The following MBOAT2 variants were observed in gnomAD, a reference collection of about 807,000 sequenced individuals.
MBOAT2 encodes membrane bound glycerophospholipid O-acyltransferase 2, also known as membrane-bound glycerophospholipid O-acyltransferase 2.
Under a neutral mutation model 63.4 loss-of-function variants are expected in MBOAT2, and 28 were observed. The observed-to-expected ratio is 0.44, with a 90% CI of 0.33 to 0.61. The LOEUF (loss-of-function observed/expected upper bound fraction) is 0.61. Ranked by LOEUF, MBOAT2 falls within the 20% of genes least tolerant of loss-of-function variation. MBOAT2 has a pLI of 0.03. For missense variants in MBOAT2, 470 were observed against 605.8 expected (o/e 0.78, Z 2.35); for synonymous variants, 211 against 215.6 (o/e 0.98, Z 0.19).
At chr2:8,913,799 G>C (rs551720796) in intron 3 of MBOAT2, among the ~76,000 whole-genome samples, 79 of 152,254 alleles carry the variant, frequency 5.2e-4, no homozygotes, top group East Asian at 5.8e-4. Context: ...ACTACCATTT[G>C]ATCCAGCAAT....
At chr2:8,936,773 G>GGA (rs1295842492) in intron 3 of MBOAT2, among the ~76,000 whole-genome samples, 1 of 135,282 alleles carries the variant, frequency 7.4e-6, no homozygotes, top group African/African-American at 2.8e-5. Context: ...AGCTACAGAG[G>GGA]GAGACTCCGT....
At chr2:8,898,875 A>G (rs899595209) in intron 4 of MBOAT2, among the ~76,000 whole-genome samples, 1 of 152,248 alleles carries the variant, frequency 6.6e-6, no homozygotes, top group Non-Finnish European at 1.5e-5. Context: ...GGTTGGGTAC[A>G]ACTGGATATA....
chr2:8,890,009 C>T (rs952014175), intron 4 of MBOAT2, among the ~76,000 whole-genome samples: 1 of 151,868 alleles, frequency 6.6e-6, no homozygotes, highest in Non-Finnish European at 1.5e-5. Flanking sequence ...GTGACATGTA[C>T]CTGAGAGGAT....
rs184669305 is a variant in MBOAT2 at position 8,901,898 on chromosome 2, A to G, written c.395+6723T>C. On this transcript the variant is annotated intron_variant, in intron 4 of 12. Coordinates refer to ENST00000305997, the MANE Select transcript of MBOAT2 (RefSeq NM_138799.4). Reference sequence around the variant, plus strand: ...AGCCTTGGAGAAGAGAGGCGAGAGGAAGTTTGTCTGACAGGCATTAGGACC... The same window carrying G: ...AGCCTTGGAGAAGAGAGGCGAGAGGGAGTTTGTCTGACAGGCATTAGGACC... 7.2e-5 allele frequency among the ~76,000 whole-genome samples: 11 copies of G among 152,302 alleles called. No individual in the cohort carries two copies. In the East Asian group the frequency reaches 1.9e-3, roughly 27 times the overall value.
At chr2:8,942,235 A>G (rs1337996995) in intron 3 of MBOAT2, among the ~76,000 whole-genome samples, 3 of 152,252 alleles carry the variant, frequency 2.0e-5, no homozygotes, top group East Asian at 1.9e-4. Context: ...AATGCAAAAT[A>G]GAATGAGACT....
chr2:8,964,310 G>A (rs1205307021), intron 1 of MBOAT2, among the ~76,000 whole-genome samples: 1 of 152,114 alleles, frequency 6.6e-6, no homozygotes, highest in Non-Finnish European at 1.5e-5. Context: ...CTGAGCGTAA[G>A]CTTCTGCAAT....
intron 1 of MBOAT2, among the ~76,000 whole-genome samples, chr2:8,966,629 A>T (rs1233833499): frequency 6.6e-6 from 1 of 152,224 alleles, no homozygotes; most frequent in South Asian, 2.1e-4. Flanking sequence ...AAGGCAAAGG[A>T]AAGAACCATT....
intron 1 of MBOAT2, among the ~76,000 whole-genome samples, chr2:8,974,775 C>A (rs1312240871): frequency 6.6e-6 from 1 of 152,060 alleles, no homozygotes; most frequent in Non-Finnish European, 1.5e-5. Flanking sequence ...AGCTAAGCAC[C>A]AAAATTTAAG....
chr2:8,955,029 C>A (rs1020529323), intron 2 of MBOAT2, among the ~76,000 whole-genome samples: 1 of 152,216 alleles, frequency 6.6e-6, no homozygotes, highest in African/African-American at 2.4e-5. Context: ...CTGCCCCAGG[C>A]TTGCAATGGA....
chr2:8,925,162 C>T (rs1044764349), intron 3 of MBOAT2, among the ~76,000 whole-genome samples: 1 of 152,116 alleles, frequency 6.6e-6, no homozygotes, highest in Non-Finnish European at 1.5e-5. Context: ...TCACCCCTCT[C>T]ACACCCCAAT....
chr2:8,858,001 C>G lies in MBOAT2; in HGVS notation c.*678G>C, dbSNP rs916217238. On this transcript the variant is annotated 3_prime_UTR_variant, in exon 13 of 13. Transcript: ENST00000305997. ...TTAAGAGATTCCTTCTGGAAGCGCT[C>G]TTTGACTGCACAAGGTAATTAAACT... 6.5e-6 allele frequency: 1 copy of G among 152,672 alleles called. No homozygotes were observed. Among genetic ancestry groups the G allele is most frequent in the African/African-American group, 2.4e-5 (1 of 41,460 alleles). The allele number at this position is 152,672 out of a possible 1,614,324, so 9.5% of individuals were successfully genotyped here.
chr2:8,955,123 C>A (rs555357025), intron 2 of MBOAT2, among the ~76,000 whole-genome samples: 1 of 152,192 alleles, frequency 6.6e-6, no homozygotes, highest in Non-Finnish European at 1.5e-5. Flanking sequence ...AGAGCAGGTG[C>A]TCTAATCTCT....
At chr2:8,945,363 G>T (rs1363231641) in intron 2 of MBOAT2, among the ~76,000 whole-genome samples, 1 of 152,032 alleles carries the variant, frequency 6.6e-6, no homozygotes, top group Non-Finnish European at 1.5e-5. Flanking sequence ...GTTCTCATTG[G>T]TAAAGTGACC....
intron 3 of MBOAT2, among the ~76,000 whole-genome samples, chr2:8,929,326 A>G (rs1414087394): frequency 1.3e-5 from 2 of 148,288 alleles, no homozygotes; most frequent in Non-Finnish European, 3.0e-5. Context: ...CATTTTATTT[A>G]TTTGTTCATT....
chr2:8,924,659 C>A (rs1666815028), intron 3 of MBOAT2, among the ~76,000 whole-genome samples: 1 of 150,816 alleles, frequency 6.6e-6, no homozygotes, highest in Non-Finnish European at 1.5e-5. Flanking sequence ...CTTTTGTTTA[C>A]AGATGACAAA....
intron 2 of MBOAT2, among the ~76,000 whole-genome samples, chr2:8,953,332 T>A (rs1668975783): frequency 1.3e-5 from 2 of 152,238 alleles, no homozygotes; most frequent in Non-Finnish European, 2.9e-5. Context: ...GTTCCCTTTG[T>A]ATATAACTTG....
intron 1 of MBOAT2, among the ~76,000 whole-genome samples, chr2:8,984,845 A>G (rs985544452): frequency 2.0e-5 from 3 of 152,176 alleles, no homozygotes; most frequent in East Asian, 1.9e-4. Context: ...TCAATCCTTC[A>G]GCCTCCCTAT....
intron 6 of MBOAT2, 140 bp from the exon 7 acceptor site, chr2:8,877,353 T>C: frequency 2.5e-6 from 2 of 797,316 alleles, no homozygotes; most frequent in South Asian, 3.8e-5. Flanking sequence ...AATAAGAATT[T>C]TAAGGATCAG....
At chr2:8,876,134 C>T (rs1266327280) in intron 7 of MBOAT2, among the ~76,000 whole-genome samples, 2 of 152,224 alleles carry the variant, frequency 1.3e-5, no homozygotes, top group Non-Finnish European at 2.9e-5. Flanking sequence ...TGAAATCTAA[C>T]AGAAACTTAG....
Sources: gnomAD v4.1 joint callset for allele counts (sites outside exome capture counted in the v4.1 genomes callset) on GRCh38, gnomAD v4.1.1 for gene constraint, MANE v1.5 for transcripts, NCBI Gene and HGNC (gene_info 2026-07-23, HGNC 2026-07-21) for gene names.